Variants in INTS7 observed in about 807,000 individuals in gnomAD.
INTS7 encodes the protein chromosome 1 open reading frame 73.
INTS7 carries 46 observed loss-of-function variants against 109.2 expected under a neutral mutation model. The observed-to-expected ratio is 0.42, with a 90% confidence interval of 0.33 to 0.54. The LOEUF is 0.54. Among genes scored for constraint, INTS7 ranks in the 20% least tolerant of loss-of-function variants. The pLI, the probability that INTS7 is intolerant of heterozygous loss-of-function variation, is 0.07. For missense variants in INTS7, 929 were observed against 1,132.4 expected, an observed-to-expected ratio of 0.82 and a Z score of 2.58; for synonymous variants, 412 against 402.9, an observed-to-expected ratio of 1.02 and a Z score of -0.27.
At chr1:211,956,356 T>G (rs997156621) in intron 16 of INTS7, among the ~76,000 whole-genome samples, 2 of 152,238 alleles carry the variant, frequency 1.3e-5, no homozygotes, top group Admixed American at 6.5e-5. Context: ...GGCGAAGTAC[T>G]TAAATTGATT....
chr1:212,035,403 T>A lies in INTS7; in HGVS notation c.35A>T (p.Asp12Val). The A allele has an allele frequency of 1.2e-6, 2 of 1,614,112 alleles. No individual in the cohort carries two copies. The highest frequency in any genetic ancestry group is 4.5e-5 in the East Asian group (2 of 44,888). The change falls in exon 1 of 20, where the codon GAT becomes GTT. Residue 12 changes from aspartate (D) to valine (V), a missense_variant. Transcript: ENST00000366994. ...ASNSTKSFLA[D>V]AGYGEQELDA... ...CAGTTCCTGTTCGCCATAGCCGGCA[T>A]CTGCCAGGAAAGACTTAGTTGAGTT... is the stretch of plus-strand genomic sequence containing the variant.
At chr1:211,964,378 T>C (rs1165525425) in intron 16 of INTS7, among the ~76,000 whole-genome samples, 1 of 152,142 alleles carries the variant, frequency 6.6e-6, no homozygotes, top group Non-Finnish European at 1.5e-5. Context: ...TCAATATTGT[T>C]AAAATGGCCA....
chr1:212,019,193 GTGAGCCAAGA>G (rs1437372736), intron 3 of INTS7, among the ~76,000 whole-genome samples: 2 of 152,314 alleles, frequency 1.3e-5, no homozygotes, highest in East Asian at 3.9e-4. Flanking sequence ...AGAGGTTGCA[GTGAGCCAAGA>G]TCACGCCACT....
intron 16 of INTS7, among the ~76,000 whole-genome samples, chr1:211,961,557 G>C (rs1663634654): frequency 6.6e-6 from 1 of 151,858 alleles, no homozygotes. Flanking sequence ...AGCCTCCTGA[G>C]TAACTGGGAT....
In INTS7 at chr1:211,941,769, T is replaced by C; in HGVS notation, c.*55A>G. ...ACTTATTCCATATGAAAAACCAAAC[T>C]GTTTCTGGCAATTTGATTGATCTCT... On this transcript the variant is annotated 3_prime_UTR_variant, in exon 20 of 20. Coordinates refer to ENST00000366994, the MANE Select transcript of INTS7 (RefSeq NM_015434.4). The C allele has an allele frequency of 6.4e-7, 1 of 1,566,790 alleles. No individual in the cohort carries two copies. The highest frequency in any genetic ancestry group is 1.2e-5 in the South Asian group (1 of 82,272).
intron 1 of INTS7, among the ~76,000 whole-genome samples, chr1:212,034,793 C>CT (rs147460838): frequency 0.026 from 3,981 of 152,310 alleles, 59 homozygotes; most frequent in African/African-American, 0.046. Context: ...AAAGCTCCCT[C>CT]TACACCAAGC....
intron 7 of INTS7, among the ~76,000 whole-genome samples, chr1:212,001,059 A>G (rs1274200059): frequency 7.2e-6 from 1 of 139,850 alleles, no homozygotes; most frequent in Non-Finnish European, 1.5e-5. Context: ...TTGAGGGCAG[A>G]ATTCCTTTTT....
rs1203373106 is a variant in INTS7, at chr1:211,978,515, C to T, written c.1231-4G>A. The T allele has an allele frequency of 6.2e-7, 1 of 1,613,550 alleles. No individual in the cohort carries two copies. Among genetic ancestry groups the T allele is most frequent in the African/African-American group, 1.3e-5 (1 of 74,874 alleles). ...TCACCATACAGTTTAGAGCAATCTG[C>T]ACGCCAAAAAGAAAATGAACTAGTT... is the stretch of plus-strand genomic sequence containing the variant. On this transcript the variant is annotated splice_polypyrimidine_tract_variant and splice_region_variant and intron_variant, in intron 10 of 19. Coordinates refer to ENST00000366994, the MANE Select transcript of INTS7 (RefSeq NM_015434.4).
At chr1:211,975,542 A>G (rs904893933) in intron 12 of INTS7, among the ~76,000 whole-genome samples, 170 bp from the exon 13 acceptor site, 8 of 152,248 alleles carry the variant, frequency 5.3e-5, no homozygotes, top group African/African-American at 1.9e-4. Context: ...ATATTTCCTC[A>G]GAGAAAATAT....
At chr1:211,978,612 AG>A in intron 10 of INTS7, 101 bp from the exon 11 acceptor site, 1 of 1,315,992 alleles carries the variant, frequency 7.6e-7, no homozygotes, top group Non-Finnish European at 1.0e-6. Flanking sequence ...CTCAAGGGTG[AG>A]GTTTCTTGTA....
At chr1:211,968,771 A>G (rs1664025842) in intron 13 of INTS7, 64 bp from the exon 14 acceptor site, 5 of 1,298,214 alleles carry the variant, frequency 3.9e-6, no homozygotes, top group Non-Finnish European at 5.3e-6. Context: ...ATGGGGCAGT[A>G]CCAAGTATTT....
intron 2 of INTS7, chr1:212,020,618 T>C (rs1006616452): frequency 3.0e-6 from 1 of 331,442 alleles, no homozygotes. Context: ...TCCAGTGTGG[T>C]ATTGTGTGCA....
intron 7 of INTS7, among the ~76,000 whole-genome samples, chr1:211,994,819 A>G (rs1036653003): frequency 1.9e-4 from 29 of 152,130 alleles, no homozygotes; most frequent in Middle Eastern, 3.4e-3. Flanking sequence ...AAAATCCATA[A>G]GAAACATAAA....
intron 17 of INTS7, 123 bp downstream of exon 17, chr1:211,952,446 G>A (rs1167927722): frequency 4.2e-5 from 41 of 974,082 alleles, no homozygotes; most frequent in Non-Finnish European, 5.5e-5. Flanking sequence ...TATTAACCCT[G>A]TTTTATGGAT....
chr1:211,982,884 T>G (rs905375128), intron 8 of INTS7, 74 bp from the exon 9 acceptor site: 1 of 1,200,258 alleles, frequency 8.3e-7, no homozygotes, highest in African/African-American at 1.6e-5. Flanking sequence ...TAGGTTCAAT[T>G]TTCTTAATTT....
intron 16 of INTS7, among the ~76,000 whole-genome samples, chr1:211,961,866 T>C (rs1289295310): frequency 6.6e-6 from 1 of 152,160 alleles, no homozygotes; most frequent in African/African-American, 2.4e-5. Context: ...ACCTGCCTTA[T>C]TAGAGCTCCT....
intron 7 of INTS7, among the ~76,000 whole-genome samples, chr1:212,002,632 A>G (rs1365254622): frequency 2.0e-5 from 3 of 152,158 alleles, no homozygotes; most frequent in Non-Finnish European, 4.4e-5. Flanking sequence ...CACAAAATTG[A>G]CATTCCCTTC....
In INTS7 at chr1:211,989,143, T is replaced by A. The variant is rs1665034959; in HGVS notation, c.880-1140A>T. Among the ~76,000 whole-genome samples, 4 of 152,312 alleles carry A rather than the reference T, an allele frequency of 2.6e-5. No individual in the cohort carries two copies. In the South Asian group the frequency reaches 8.3e-4, roughly 32 times the overall value. The stretch of plus-strand genomic sequence containing the variant: ...ATTTCAGAAAGGGTTAAAATAAATT[T>A]AATATGACCATCAATAAAATTGTCA... On this transcript the variant is annotated intron_variant, in intron 7 of 19. Transcript: ENST00000366994.
rs755357156 is a variant in INTS7 at position 211,976,638 on chromosome 1, C to G, written c.1552G>C (p.Glu518Gln). 3.1e-6 allele frequency: 5 copies of G among 1,613,924 alleles called. No homozygotes were observed. In the South Asian group the frequency reaches 5.5e-5, roughly 18 times the overall value. The change falls in exon 12 of 20, where the codon GAA (glutamate) becomes CAA (glutamine). Residue 518 changes from glutamate (E) to glutamine (Q), a missense_variant. Around this residue, in one of 2 missense-constraint regions of INTS7, gnomAD observed 787 missense variants for 901.1 expected, o/e 0.87. Transcript: ENST00000366994. ...ESKAVIKQQLESVSNGWTVYR... is the reference protein window; with the variant it reads ...ESKAVIKQQLQSVSNGWTVYR... ...ACAGTCCATCCATTGGAGACACTTT[C>G]AAGCTGCTGCTTAATTACTGCCTTA... is the stretch of plus-strand genomic sequence containing the variant.
Sources: allele counts gnomAD v4.1 joint callset (sites outside exome capture counted in the v4.1 genomes callset), GRCh38; gene constraint gnomAD v4.1.1; regional missense constraint gnomAD v4.1.1; transcripts MANE v1.5; gene names NCBI Gene and HGNC (gene_info 2026-07-23, HGNC 2026-07-21).